Variants in PRLR observed in about 807,000 individuals in gnomAD.
PRLR encodes the protein hPRL receptor.
PRLR carries 13 observed loss-of-function variants against 40.2 expected under a neutral mutation model. That is an observed-to-expected ratio of 0.32 (90% CI 0.21 to 0.51). PRLR has a LOEUF of 0.51. Among genes scored for constraint, PRLR ranks in the 20% least tolerant of loss-of-function variants. The pLI is 0.97. For missense variants in PRLR, 656 were observed against 747.3 expected (o/e 0.88, Z 1.42); for synonymous variants, 269 against 278.7 (o/e 0.97, Z 0.35).
chr5:35,205,689 C>G (rs1411205748), intron 1 of PRLR, among the ~76,000 whole-genome samples: 1 of 152,094 alleles, frequency 6.6e-6, no homozygotes, highest in Non-Finnish European at 1.5e-5. Context: ...GAAGAACATA[C>G]CAAAGATGAT....
chr5:35,128,458 A>G (rs996480608), intron 1 of PRLR, among the ~76,000 whole-genome samples: 8 of 151,870 alleles, frequency 5.3e-5, no homozygotes, highest in Non-Finnish European at 1.0e-4. Context: ...TGTAAATAGC[A>G]AGTGAATATT....
chr5:35,081,742 C>T (rs1561278898), intron 5 of PRLR: 3 of 152,348 alleles, frequency 2.0e-5, no homozygotes, highest in Non-Finnish European at 4.4e-5. Flanking sequence ...GTTTTACCTT[C>T]AAATATTATA....
chr5:35,141,934 G>A (rs557223107), intron 1 of PRLR, among the ~76,000 whole-genome samples: 29 of 152,314 alleles, frequency 1.9e-4, no homozygotes, highest in Non-Finnish European at 3.7e-4. Context: ...CTCTGTGAGG[G>A]CAGGGATCCT....
intron 1 of PRLR, among the ~76,000 whole-genome samples, chr5:35,198,848 C>CT (rs1420643934): frequency 1.3e-5 from 2 of 152,202 alleles, no homozygotes; most frequent in Non-Finnish European, 2.9e-5. Flanking sequence ...ATGTCCTCAA[C>CT]TTTCTCTCAG....
At chr5:35,076,579 T>C (rs1233696683) in intron 5 of PRLR, among the ~76,000 whole-genome samples, 1 of 152,176 alleles carries the variant, frequency 6.6e-6, no homozygotes, top group Non-Finnish European at 1.5e-5. Flanking sequence ...TTGGTGTACC[T>C]GAAAGTGACA....
At chr5:35,130,214 T>C (rs1355034455) in intron 1 of PRLR, 1 of 152,196 alleles carries the variant, frequency 6.6e-6, no homozygotes, top group Non-Finnish European at 1.5e-5. Flanking sequence ...AAAACAAAAA[T>C]TGACTAACTT....
intron 1 of PRLR, among the ~76,000 whole-genome samples, chr5:35,193,859 G>A (rs1775667969): frequency 6.6e-6 from 1 of 151,656 alleles, no homozygotes; most frequent in South Asian, 2.1e-4. Context: ...TGAAAGACGA[G>A]TGCATGGAGA....
chr5:35,146,637 T>C (rs1774189225), intron 1 of PRLR, among the ~76,000 whole-genome samples: 1 of 152,172 alleles, frequency 6.6e-6, no homozygotes, highest in African/African-American at 2.4e-5. Flanking sequence ...GTCAATGGTT[T>C]AGAAATGTGG....
At chr5:35,079,383 A>C (rs1332831737) in intron 5 of PRLR, among the ~76,000 whole-genome samples, 1 of 152,238 alleles carries the variant, frequency 6.6e-6, no homozygotes, top group Non-Finnish European at 1.5e-5. Context: ...ATCAATGTGC[A>C]AAAGTCACAA....
At chr5:35,093,608 A>T (rs540137642) in intron 2 of PRLR, among the ~76,000 whole-genome samples, 47 of 152,276 alleles carry the variant, frequency 3.1e-4, no homozygotes, top group Non-Finnish European at 2.2e-4. Context: ...TTAGGCAGGG[A>T]TTCTGAGGTT....
intron 2 of PRLR, among the ~76,000 whole-genome samples, chr5:35,094,597 T>G (rs1281453112): frequency 9.2e-5 from 14 of 152,144 alleles, no homozygotes; most frequent in Admixed American, 9.2e-4. Flanking sequence ...AAATTTCAAG[T>G]GCTTTTTTTG....
At chr5:35,194,409 T>G (rs1775682191) in intron 1 of PRLR, among the ~76,000 whole-genome samples, 1 of 152,218 alleles carries the variant, frequency 6.6e-6, no homozygotes, top group African/African-American at 2.4e-5. Context: ...CCTATCTCTC[T>G]AGCTTGTTTT....
chr5:35,187,707 G>A (rs2111997803), intron 1 of PRLR, among the ~76,000 whole-genome samples: 1 of 152,312 alleles, frequency 6.6e-6, no homozygotes, highest in South Asian at 2.1e-4. Context: ...AGCCCAGAAA[G>A]GTCAAACCAC....
chr5:35,113,086 C>T (rs1190650157), intron 2 of PRLR, among the ~76,000 whole-genome samples: 1 of 152,032 alleles, frequency 6.6e-6, no homozygotes, highest in Non-Finnish European at 1.5e-5. Context: ...ATCCATCAAC[C>T]TACCCACCCA....
intron 5 of PRLR, chr5:35,081,140 T>C (rs1169649304): frequency 6.6e-6 from 1 of 152,612 alleles, no homozygotes; most frequent in East Asian, 1.9e-4. Context: ...TGTATACATA[T>C]GTAACAAACC....
At chr5:35,053,558 C>T (rs903914567), downstream of PRLR, among the ~76,000 whole-genome samples, 3 of 152,096 alleles carry the variant, frequency 2.0e-5, no homozygotes, top group African/African-American at 7.2e-5. Flanking sequence ...GAGGCTGAGG[C>T]AGGAGAATCA....
chr5:35,225,845 C>T (rs1776532954), intron 1 of PRLR, among the ~76,000 whole-genome samples: 1 of 152,136 alleles, frequency 6.6e-6, no homozygotes, highest in Admixed American at 6.5e-5. Context: ...CCATGCCTGC[C>T]TAATTTTTGC....
At position 35,063,610 on chromosome 5, in the gene PRLR, A is replaced by C. The variant is rs73091132; in HGVS notation, c.*1479T>G. The C allele has an allele frequency of 6.6e-6, 1 of 152,164 alleles. No homozygotes were observed. The highest frequency in any genetic ancestry group is 6.5e-5 in the Admixed American group (1 of 15,280). 9.4% of individuals were successfully genotyped at this position (152,164 alleles called of 1,614,324 possible). ...AGTTTCCCAGAACTTTTATTTGGAC[A>C]CTTCTGATATGAGCCATTTCTGCCT... On this transcript the variant is annotated 3_prime_UTR_variant, in exon 10 of 10. Transcript: ENST00000618457.
At chr5:35,084,068 T>C (rs1561281369) in intron 5 of PRLR, among the ~76,000 whole-genome samples, 2 of 152,160 alleles carry the variant, frequency 1.3e-5, no homozygotes, top group African/African-American at 2.4e-5. Flanking sequence ...CAGAATCAGA[T>C]GAACCCTTCT....
Sources: allele counts gnomAD v4.1 joint callset (sites outside exome capture counted in the v4.1 genomes callset), GRCh38; gene constraint gnomAD v4.1.1; transcripts MANE v1.5; gene names NCBI Gene and HGNC (gene_info 2026-07-23, HGNC 2026-07-21).